STK17A: variants seen among roughly 807,000 people sequenced by gnomAD.
STK17A encodes serine/threonine kinase 17a, also known as serine/threonine-protein kinase 17A.
Under a neutral mutation model 43.7 loss-of-function variants are expected in STK17A, and 26 were observed. That is an observed-to-expected ratio of 0.60 (90% confidence interval 0.44 to 0.83). STK17A has a LOEUF of 0.83. Among genes scored for constraint, STK17A ranks in the 40% least tolerant of loss-of-function variants. The pLI is 0.00. For missense variants in STK17A, 476 were observed against 511.6 expected (o/e 0.93, Z 0.67); for synonymous variants, 191 against 182.5 (o/e 1.05, Z -0.38).
Position 43,623,559 on chromosome 7 carries a change from T to C in STK17A, c.692-13T>C, listed in dbSNP as rs1487157608. ...CCACAAAACTAAATGTTTTCTTCTC[T>C]TTCTGATACTAGCTCCTGAAATTCT... On this transcript the variant is annotated splice_polypyrimidine_tract_variant and intron_variant, in intron 4 of 6. Transcript: ENST00000319357. The C allele has an allele frequency of 3.1e-6, 5 of 1,605,920 alleles. No individual in the cohort carries two copies. The highest frequency in any genetic ancestry group is 3.4e-6 in the Non-Finnish European group (4 of 1,177,372).
At chr7:43,593,357 T>C (rs1449897767) in intron 1 of STK17A, among the ~76,000 whole-genome samples, 1 of 152,232 alleles carries the variant, frequency 6.6e-6, no homozygotes, top group Non-Finnish European at 1.5e-5. Flanking sequence ...GATTAACATA[T>C]GAGTGCAGGT....
chr7:43,592,758 C>G (rs1206262337), intron 1 of STK17A, among the ~76,000 whole-genome samples: 1 of 150,796 alleles, frequency 6.6e-6, no homozygotes, highest in Admixed American at 6.6e-5. Context: ...TCCAGCTATT[C>G]AGGAGGCTGA....
intron 1 of STK17A, among the ~76,000 whole-genome samples, chr7:43,589,450 C>T (rs182216743): frequency 6.6e-6 from 1 of 151,492 alleles, no homozygotes; most frequent in East Asian, 1.9e-4. Context: ...CTGATGTTTA[C>T]CTGAATGTTA....
chr7:43,621,093 C>T lies in STK17A; in HGVS notation c.691+1370C>T, dbSNP rs144471014. Among the ~76,000 whole-genome samples, 113 of 151,812 alleles carry T rather than the reference C, an allele frequency of 7.4e-4. 1 individual carries two copies. The East Asian group carries it at 0.02, about 28-fold the overall frequency. ...GGAGCACAGAAAGACTCAGGAGGGCCGATAGGGTTGAAGAAAACAAACCTG... is the reference window on the plus strand; with the variant it reads ...GGAGCACAGAAAGACTCAGGAGGGCTGATAGGGTTGAAGAAAACAAACCTG... On this transcript the variant is annotated intron_variant, in intron 4 of 6. Coordinates refer to ENST00000319357, the MANE Select transcript of STK17A (RefSeq NM_004760.3).
rs917373590 is a variant in STK17A, at chr7:43,591,088, C to T, written c.207-4813C>T. 4.0e-5 allele frequency among the ~76,000 whole-genome samples: 6 copies of T among 151,438 alleles called. 1 individual carries two copies. The highest frequency in any genetic ancestry group is 2.0e-4 in the Admixed American group (3 of 15,200). On this transcript the variant is annotated intron_variant, in intron 1 of 6. Coordinates refer to ENST00000319357, the MANE Select transcript of STK17A (RefSeq NM_004760.3). ...TGCACCAGTCATTTAGAGATGAAGG[C>T]ATGCATGCTTCCTCAAATCATTGCG...
At chr7:43,620,934 G>A (rs1286699491) in intron 4 of STK17A, among the ~76,000 whole-genome samples, 1 of 152,082 alleles carries the variant, frequency 6.6e-6, no homozygotes, top group Non-Finnish European at 1.5e-5. Context: ...TGTGCCTGAG[G>A]GTAGAAGTGT....
Position 43,625,093 on chromosome 7 carries a change from T to G in STK17A, c.*251T>G, listed in dbSNP as rs2084361859. 2 of 333,694 alleles carry G rather than the reference T, an allele frequency of 6.0e-6. No homozygotes were observed. Among genetic ancestry groups the G allele is most frequent in the East Asian group, 1.0e-4 (2 of 19,282 alleles). The allele number at this position is 333,694 out of a possible 1,614,324, so 20.7% of individuals were successfully genotyped here. A position where few individuals can be genotyped will look rare whatever the true frequency, so the allele number is the denominator to read the frequency against. On this transcript the variant is annotated 3_prime_UTR_variant, in exon 7 of 7. Coordinates refer to ENST00000319357, the MANE Select transcript of STK17A (RefSeq NM_004760.3). ...AAGGGAGATGTTGGCACCTTTGAAT[T>G]CTACATCCTGTTTCTCCAGAATGAG...
chr7:43,590,510 T>C lies in STK17A; in HGVS notation c.207-5391T>C, dbSNP rs566550790. Reference sequence around the variant, plus strand: ...GGAATATGTTTTCAGTGAGTAGTTCTGAAATGTATTCATTTCTGATATTCA... The same window carrying C: ...GGAATATGTTTTCAGTGAGTAGTTCCGAAATGTATTCATTTCTGATATTCA... On this transcript the variant is annotated intron_variant, in intron 1 of 6. Transcript: ENST00000319357. Among the ~76,000 whole-genome samples, 12 of 151,674 alleles carry C rather than the reference T, an allele frequency of 7.9e-5. 2 individuals are homozygous for C. The highest frequency in any genetic ancestry group is 2.4e-4 in the African/African-American group (10 of 41,504).
intron 3 of STK17A, among the ~76,000 whole-genome samples, chr7:43,611,675 C>CT (rs1348337195): frequency 1.3e-5 from 2 of 152,318 alleles, no homozygotes; most frequent in East Asian, 1.9e-4. Flanking sequence ...TGGGCTAATA[C>CT]TTTAAGTATT....
In STK17A at chr7:43,608,289, T is replaced by G. The variant is rs756175750; in HGVS notation, c.453T>G (p.Val151=). 1 of 1,614,094 alleles carries G rather than the reference T, an allele frequency of 6.2e-7. No homozygotes were observed. The highest frequency in any genetic ancestry group is 1.1e-5 in the South Asian group (1 of 91,064). Reference sequence around the variant, plus strand: ...GGGGTGAAATCTTTGACCAGTGTGTTGCAGACAGAGAAGAAGCCTTTAAAG... The same window carrying G: ...GGGGTGAAATCTTTGACCAGTGTGTGGCAGACAGAGAAGAAGCCTTTAAAG... ...AAGGEIFDQC[V]ADREEAFKEK... is the part of the protein sequence containing the mutation. The change falls in exon 3 of 7, where the codon GTT becomes GTG. Residue 151 remains valine, a synonymous_variant. Coordinates refer to ENST00000319357, the MANE Select transcript of STK17A (RefSeq NM_004760.3).
rs1426982310 is a variant in STK17A at position 43,583,312 on chromosome 7, AGGCCGGGGTCTGAGCGGGCCGTGCC to A, written c.75_99del (p.Gly26ArgfsTer10). On this transcript the variant is annotated frameshift_variant, in exon 1 of 7. Coordinates refer to ENST00000319357, the MANE Select transcript of STK17A (RefSeq NM_004760.3). LOFTEE classifies it high-confidence loss of function. The stretch of plus-strand genomic sequence containing the variant: ...GCGCCACCTCAGGCTCGGGCCGGGC[AGGCCGGGGTCTGAGCGGGCCGTGCC>A]GGCCGCCGCCGCCGCCCCAGGCCCG... 9 of 1,513,658 alleles carry A rather than the reference AGGCCGGGGTCTGAGCGGGCCGTGCC, an allele frequency of 5.9e-6. No homozygotes were observed. Among genetic ancestry groups the A allele is most frequent in the East Asian group, 2.8e-5 (1 of 35,616 alleles). 93.8% of individuals were successfully genotyped at this position (1,513,658 alleles called of 1,614,324 possible).
chr7:43,619,681 A>G lies in STK17A; in HGVS notation c.649A>G (p.Ser217Gly). ...DFGLSRILKN[S>G]EELREIMGTP... ...TGGCCTTTCAAGAATATTGAAGAAC[A>G]GTGAAGAGCTCCGAGAAATTATGGG... Residue 217 changes from serine (S) to glycine (G), a missense_variant, in exon 4 of 7, where the codon AGT (serine) becomes GGT (glycine). Physicochemically the swap from Ser to Gly is moderately conservative, Grantham distance 56. Around this residue, in one of 3 missense-constraint regions of STK17A, gnomAD observed 320 missense variants for 326.3 expected, o/e 0.98. Coordinates refer to ENST00000319357, the MANE Select transcript of STK17A (RefSeq NM_004760.3). The G allele has an allele frequency of 6.2e-7, 1 of 1,614,140 alleles. No homozygotes were observed. The highest frequency in any genetic ancestry group is 8.5e-7 in the Non-Finnish European group (1 of 1,180,002).
chr7:43,607,057 G>A (rs2082603682), intron 2 of STK17A, among the ~76,000 whole-genome samples: 1 of 150,050 alleles, frequency 6.7e-6, no homozygotes, highest in Non-Finnish European at 1.5e-5. Context: ...CTGAGTAGCT[G>A]GGATTACAGG....
At chr7:43,611,769 C>T (rs1349710797) in intron 3 of STK17A, among the ~76,000 whole-genome samples, 1 of 152,130 alleles carries the variant, frequency 6.6e-6, no homozygotes, top group Admixed American at 6.5e-5. Context: ...TTTGCAAAAT[C>T]GTGTATCTGT....
At chr7:43,590,776 T>C (rs1288278536) in intron 1 of STK17A, among the ~76,000 whole-genome samples, 2 of 151,336 alleles carry the variant, frequency 1.3e-5, no homozygotes, top group Non-Finnish European at 3.0e-5. Flanking sequence ...AAACATCATT[T>C]TTAAAATGTT....
intron 3 of STK17A, among the ~76,000 whole-genome samples, chr7:43,613,923 A>G (rs1272826206): frequency 6.6e-6 from 1 of 152,172 alleles, no homozygotes; most frequent in Non-Finnish European, 1.5e-5. Flanking sequence ...TCCATATGAG[A>G]TTTAAATTTG....
chr7:43,593,070 C>G (rs1211961319), intron 1 of STK17A, among the ~76,000 whole-genome samples: 1 of 152,172 alleles, frequency 6.6e-6, no homozygotes, highest in Non-Finnish European at 1.5e-5. Flanking sequence ...TAATTCCTCA[C>G]CCCCTTCCCA....
Position 43,624,720 on chromosome 7 carries a change from T to G in STK17A, c.1123T>G (p.Ser375Ala). ...AACCGAAGAGTTAATTGTAGTTACT[T>G]CATATACTCTAGGACAATGCAGACA... ...IVTEELIVVTSYTLGQCRQSE... is the reference protein window; with the variant it reads ...IVTEELIVVTAYTLGQCRQSE... Residue 375 changes from serine to alanine, a missense_variant, in exon 7 of 7, where the codon TCA (serine) becomes GCA (alanine). Transcript: ENST00000319357. The G allele has an allele frequency of 3.1e-6, 5 of 1,614,110 alleles. No individual in the cohort carries two copies. Among genetic ancestry groups the G allele is most frequent in the Non-Finnish European group, 4.2e-6 (5 of 1,179,982 alleles).
chr7:43,603,665 A>G (rs2082570069), intron 2 of STK17A, among the ~76,000 whole-genome samples: 1 of 152,164 alleles, frequency 6.6e-6, no homozygotes, highest in Non-Finnish European at 1.5e-5. Flanking sequence ...CCTTTATAGG[A>G]ATTAAGGATG....
Sources: allele counts gnomAD v4.1 joint callset (sites outside exome capture counted in the v4.1 genomes callset), GRCh38; gene constraint gnomAD v4.1.1; regional missense constraint gnomAD v4.1.1; transcripts MANE v1.5; gene names NCBI Gene and HGNC (gene_info 2026-07-23, HGNC 2026-07-21).